CPAP: variants seen among roughly 807,000 people sequenced by gnomAD.
CPAP encodes centrosomal P4.1-associated protein.
chr13:24,908,613 T>TAAA, the CPAP span, among the ~76,000 whole-genome samples: 1 of 151,312 alleles, frequency 6.6e-6, no homozygotes, highest in Non-Finnish European at 1.5e-5. Context: ...TAAAATAAAA[T>TAAA]AAAGACACTT....
the CPAP span, among the ~76,000 whole-genome samples, chr13:24,920,387 T>C: frequency 6.6e-6 from 1 of 152,194 alleles, no homozygotes; most frequent in African/African-American, 2.4e-5. Context: ...GTAGAAGAGT[T>C]GTATAAAGGC....
chr13:24,932,926 G>T, the CPAP span: 1 of 940,492 alleles, frequency 1.1e-6, no homozygotes, highest in Non-Finnish European at 1.7e-6. Flanking sequence ...AATTTTTCCA[G>T]TTTGTATGTA....
chr13:24,898,206 T>C, the CPAP span, among the ~76,000 whole-genome samples: 3 of 152,192 alleles, frequency 2.0e-5, no homozygotes, highest in Non-Finnish European at 4.4e-5. Context: ...AATAGTCTTA[T>C]TTTTTAAAGG....
the CPAP span, among the ~76,000 whole-genome samples, chr13:24,904,644 G>A: frequency 6.6e-6 from 1 of 152,012 alleles, no homozygotes; most frequent in Non-Finnish European, 1.5e-5. Flanking sequence ...ATCCCAAAAT[G>A]GCATAGCAGT....
the CPAP span, among the ~76,000 whole-genome samples, chr13:24,905,077 T>C: frequency 6.6e-6 from 1 of 152,206 alleles, no homozygotes; most frequent in Non-Finnish European, 1.5e-5. Context: ...ATGGTAATAC[T>C]GGTACCTCTA....
the CPAP span, chr13:24,889,408 A>G: frequency 2.6e-6 from 4 of 1,563,036 alleles, no homozygotes; most frequent in South Asian, 2.3e-5. Flanking sequence ...GTTCTATAGT[A>G]TAAGAGATAA....
chr13:24,911,965 A>C, the CPAP span: 9 of 1,614,180 alleles, frequency 5.6e-6, no homozygotes, highest in Non-Finnish European at 7.6e-6. Context: ...TGCACTGCCC[A>C]GACACCATGG....
chr13:24,884,190 TC>T, the CPAP span: 6 of 1,614,078 alleles, frequency 3.7e-6, no homozygotes, highest in South Asian at 1.1e-5. Flanking sequence ...ATGTAAGACT[TC>T]CAGTCCCTCC....
chr13:24,892,107 G>A, the CPAP span, among the ~76,000 whole-genome samples: 1 of 152,174 alleles, frequency 6.6e-6, no homozygotes, highest in Non-Finnish European at 1.5e-5. Flanking sequence ...TAAGGGCAAG[G>A]AATTTTGTCT....
the CPAP span, chr13:24,906,899 TCTC>T: frequency 6.2e-6 from 10 of 1,614,104 alleles, no homozygotes; most frequent in South Asian, 1.1e-5. Flanking sequence ...AGCTAAACCT[TCTC>T]CTCGTTTTAA....
the CPAP span, chr13:24,899,671 G>C: frequency 9.1e-6 from 9 of 988,908 alleles, no homozygotes; most frequent in East Asian, 2.0e-4. Flanking sequence ...GTAACTGCTA[G>C]TCCTAGTGAA....
the CPAP span, chr13:24,912,082 A>C: frequency 6.2e-7 from 1 of 1,610,376 alleles, no homozygotes; most frequent in Non-Finnish European, 8.5e-7. Context: ...TTTTAAATAC[A>C]AAATTAACTT....
chr13:24,883,319 G>A, the CPAP span: 7 of 1,613,554 alleles, frequency 4.3e-6, no homozygotes, highest in African/African-American at 4.0e-5. Flanking sequence ...GAACTGGGCA[G>A]TATGTAGTTC....
the CPAP span, among the ~76,000 whole-genome samples, chr13:24,890,332 G>A: frequency 3.9e-5 from 6 of 152,122 alleles, no homozygotes; most frequent in South Asian, 2.1e-4. Context: ...TGGGAGCGGC[G>A]GGGAGAAGAA....
chr13:24,908,435 CAAAAAAAAAAAAAAA>C, the CPAP span, among the ~76,000 whole-genome samples: 2 of 80,904 alleles, frequency 2.5e-5, no homozygotes, highest in South Asian at 4.6e-4. Context: ...CCCGTCTCTA[CAAAAAAAAAAAAAAA>C]AAAAAAAAAA....
the CPAP span, chr13:24,884,260 A>T: frequency 1.2e-6 from 2 of 1,614,058 alleles, no homozygotes; most frequent in Non-Finnish European, 1.7e-6. Context: ...AAAGACACAC[A>T]GTCAGTCTGC....
At chr13:24,914,782 T>C in the CPAP span, among the ~76,000 whole-genome samples, 1 of 152,014 alleles carries the variant, frequency 6.6e-6, no homozygotes, top group South Asian at 2.1e-4. Context: ...TCTCAAAAAA[T>C]AAATAAATAA....
chr13:24,895,083 C>T, the CPAP span, among the ~76,000 whole-genome samples: 1 of 152,224 alleles, frequency 6.6e-6, no homozygotes, highest in African/African-American at 2.4e-5. Context: ...TGCCAGGTCC[C>T]GGTGAGCACG....
chr13:24,892,883 AAC>A, the CPAP span: 14,494 of 943,406 alleles, frequency 0.015, 79 homozygotes, highest in African/African-American at 0.02. Context: ...AAAAAAAAAA[AAC>A]AAAAAGAAAA....
Sources: allele counts gnomAD v4.1 joint callset (sites outside exome capture counted in the v4.1 genomes callset), GRCh38; gene constraint gnomAD v4.1.1; transcripts MANE v1.5; gene names NCBI Gene and HGNC (gene_info 2026-07-23, HGNC 2026-07-21).